Variants in ITGB5 observed in about 807,000 individuals in gnomAD.
ITGB5 encodes integrin beta-5.
ITGB5 carries 38 observed loss-of-function variants against 84.8 expected under a neutral mutation model. The ratio of observed to expected loss-of-function variants is 0.45; its 90% confidence interval spans 0.35 to 0.59. The LOEUF is 0.59. Ranked by LOEUF, ITGB5 falls within the 20% of genes least tolerant of loss-of-function variation. ITGB5 has a pLI of 0.01. For synonymous variants in ITGB5, 393 were observed against 414.4 expected, an observed-to-expected ratio of 0.95 and a Z score of 0.63; for missense variants, 905 against 1,034.5, an observed-to-expected ratio of 0.87 and a Z score of 1.72.
chr3:124,892,691 TAAAAAAA>T (rs35455753), intron 1 of ITGB5, among the ~76,000 whole-genome samples: 3 of 91,686 alleles, frequency 3.3e-5, no homozygotes, highest in African/African-American at 8.9e-5. Flanking sequence ...GGAGACTCTG[TAAAAAAA>T]AAAAAAAAAA....
At chr3:124,888,749 C>T (rs1487856157), upstream of ITGB5, among the ~76,000 whole-genome samples, 3 of 152,156 alleles carry the variant, frequency 2.0e-5, no homozygotes, top group Non-Finnish European at 2.9e-5. Context: ...GGGGAAAGAA[C>T]AAAGGGGTCT....
At chr3:124,849,593 G>A (rs1049736787) in intron 3 of ITGB5, among the ~76,000 whole-genome samples, 12 of 151,692 alleles carry the variant, frequency 7.9e-5, no homozygotes, top group African/African-American at 2.4e-4. Context: ...TAGCTCTATC[G>A]AAAAAAGAAA....
intron 1 of ITGB5, among the ~76,000 whole-genome samples, chr3:124,875,358 T>A (rs1271772562): frequency 6.7e-6 from 1 of 150,346 alleles, no homozygotes; most frequent in African/African-American, 2.5e-5. Flanking sequence ...CACCTCCTAA[T>A]CCCAGCTACT....
At chr3:124,835,558 G>A (rs1175746350) in intron 5 of ITGB5, among the ~76,000 whole-genome samples, 10 of 152,226 alleles carry the variant, frequency 6.6e-5, no homozygotes, top group Non-Finnish European at 1.5e-4. Context: ...CCGGAAACCT[G>A]TGGTGCGATC....
intron 2 of ITGB5, among the ~76,000 whole-genome samples, chr3:124,866,761 C>T (rs184683129): frequency 1.3e-5 from 2 of 152,288 alleles, no homozygotes; most frequent in Non-Finnish European, 2.9e-5. Flanking sequence ...GCAGAACCCT[C>T]AGGGATTTGA....
At chr3:124,868,182 A>G (rs1344170296) in intron 2 of ITGB5, among the ~76,000 whole-genome samples, 3 of 152,164 alleles carry the variant, frequency 2.0e-5, no homozygotes, top group East Asian at 1.9e-4. Flanking sequence ...CTGTGAGTCA[A>G]TTCAACCCCT....
At chr3:124,865,810 G>T (rs1241335794) in intron 2 of ITGB5, among the ~76,000 whole-genome samples, 1 of 151,632 alleles carries the variant, frequency 6.6e-6, no homozygotes, top group Non-Finnish European at 1.5e-5. Context: ...TAGTTACTAA[G>T]TGGTAATAAT....
chr3:124,847,300 C>T (rs1050420906), intron 4 of ITGB5, among the ~76,000 whole-genome samples: 7 of 152,166 alleles, frequency 4.6e-5, no homozygotes, highest in Admixed American at 3.3e-4. Context: ...ATAATCTTGA[C>T]ATTTAAAGAA....
chr3:124,822,081 G>T (rs2064715882), intron 5 of ITGB5, among the ~76,000 whole-genome samples: 1 of 152,192 alleles, frequency 6.6e-6, no homozygotes, highest in Admixed American at 6.5e-5. Flanking sequence ...AAGTCAATCA[G>T]ATCCCTTTTC....
chr3:124,837,791 A>C (rs556294132), intron 5 of ITGB5, among the ~76,000 whole-genome samples: 1 of 152,358 alleles, frequency 6.6e-6, no homozygotes, highest in Admixed American at 6.5e-5. Flanking sequence ...AACCAGGACA[A>C]AGAGCTCCCT....
At position 124,821,464 on chromosome 3, in the gene ITGB5, C is replaced by T; in HGVS notation, c.791G>A (p.Gly264Asp). ...CAAATGCAGTGCATCCTTTCGCCAG[C>T]CAATCTTCTCCTGAAGGACAGAAGG... is the stretch of plus-strand genomic sequence containing the variant. ...LQAAVCKEKI[G>D]WRKDALHLLV... is the part of the protein sequence containing the mutation. The change falls in exon 6 of 15, where the codon GGC (glycine) becomes GAC (aspartate). Residue 264 changes from glycine (G) to aspartate (D), a missense_variant. Gly to Asp is a moderately conservative substitution (Grantham distance 94, BLOSUM62 -1). Coordinates refer to ENST00000296181, the MANE Select transcript of ITGB5 (RefSeq NM_002213.5). 1 of 1,614,186 alleles carries T rather than the reference C, an allele frequency of 6.2e-7. No homozygotes were observed. The highest frequency in any genetic ancestry group is 8.5e-7 in the Non-Finnish European group (1 of 1,180,032).
At chr3:124,821,512 T>G in intron 5 of ITGB5, 38 bp from the exon 6 acceptor site, 1 of 1,605,026 alleles carries the variant, frequency 6.2e-7, no homozygotes, top group African/African-American at 1.3e-5. Context: ...CCAGTCTTTC[T>G]GCCCAGTCCT....
In ITGB5 at chr3:124,796,415, C is replaced by A; in HGVS notation, c.1666G>T (p.Ala556Ser). Residue 556 changes from alanine (A) to serine (S), a missense_variant, in exon 10 of 15, where the codon GCC (alanine) becomes TCC (serine). Ala to Ser is a moderately conservative substitution (Grantham distance 99, BLOSUM62 1). This residue lies in a region of ITGB5 where 656 missense variants were observed against 734.7 expected (regional missense o/e 0.89). Transcript: ENST00000296181. The stretch of plus-strand genomic sequence containing the variant: ...GAGCAGAGGACTCCCTTGTTCCTGG[C>A]ACAGGAGAAGTTGTCGCACTCACAG... Reference protein sequence around the residue: ...PFCECDNFSCARNKGVLCSGH... With the variant: ...PFCECDNFSCSRNKGVLCSGH... The A allele has an allele frequency of 6.2e-7, 1 of 1,612,928 alleles. No homozygotes were observed. Among genetic ancestry groups the A allele is most frequent in the Admixed American group, 1.7e-5 (1 of 59,972 alleles).
At chr3:124,846,433 A>G (rs2065079186) in intron 4 of ITGB5, among the ~76,000 whole-genome samples, 1 of 152,004 alleles carries the variant, frequency 6.6e-6, no homozygotes, top group Non-Finnish European at 1.5e-5. Context: ...AGCAAAAAAA[A>G]AAAAAACCAA....
chr3:124,896,761 A>AAG (rs1196124093), intron 1 of ITGB5, among the ~76,000 whole-genome samples: 1 of 150,076 alleles, frequency 6.7e-6, no homozygotes, highest in Non-Finnish European at 1.5e-5. Flanking sequence ...AAAAAAAAAA[A>AAG]AAGGGAGAAG....
intron 3 of ITGB5, among the ~76,000 whole-genome samples, chr3:124,858,661 T>G (rs2065252787): frequency 6.6e-6 from 1 of 152,218 alleles, no homozygotes; most frequent in Admixed American, 6.5e-5. Flanking sequence ...ATTGGATGAT[T>G]CCACTTATGG....
At chr3:124,887,975 G>A (rs1169266468), upstream of ITGB5, 1 of 208,668 alleles carries the variant, frequency 4.8e-6, no homozygotes, top group Non-Finnish European at 9.8e-6. Context: ...GGAGTGCACT[G>A]GCCCAGTCTT....
intron 2 of ITGB5, among the ~76,000 whole-genome samples, chr3:124,871,684 G>A (rs1260592448): frequency 2.0e-5 from 3 of 151,992 alleles, no homozygotes; most frequent in South Asian, 2.1e-4. Flanking sequence ...TCAATTAGCC[G>A]AGCACAGTGG....
At chr3:124,776,684 G>A (rs2063930979) in intron 10 of ITGB5, among the ~76,000 whole-genome samples, 3 of 152,140 alleles carry the variant, frequency 2.0e-5, no homozygotes, top group South Asian at 2.1e-4. Flanking sequence ...TCCATCACAC[G>A]ATCCCCACAA....
Sources: allele counts gnomAD v4.1 joint callset (sites outside exome capture counted in the v4.1 genomes callset), GRCh38; gene constraint gnomAD v4.1.1; regional missense constraint gnomAD v4.1.1; transcripts MANE v1.5; gene names NCBI Gene and HGNC (gene_info 2026-07-23, HGNC 2026-07-21).